SHC3: variants seen among roughly 807,000 people sequenced by gnomAD.
The protein encoded by SHC3 is SHC-transforming protein 3.
SHC3 carries 15 observed loss-of-function variants against 60.4 expected under a neutral mutation model. The observed-to-expected ratio is 0.25, with a 90% CI of 0.17 to 0.38. The LOEUF is 0.38. Ranked by LOEUF, SHC3 falls within the 10% of genes least tolerant of loss-of-function variation. The pLI is 1.00. For missense variants in SHC3, 677 were observed against 786.1 expected (o/e 0.86, Z 1.66); for synonymous variants, 294 against 325.9 (o/e 0.90, Z 1.05).
At chr9:89,159,847 A>AG (rs1400916006) in intron 1 of SHC3, among the ~76,000 whole-genome samples, 1 of 152,206 alleles carries the variant, frequency 6.6e-6, no homozygotes, top group African/African-American at 2.4e-5. Context: ...ACCCAGATTA[A>AG]GGTCTGCCTT....
chr9:89,150,030 T>C (rs1178073809), intron 1 of SHC3, among the ~76,000 whole-genome samples: 1 of 152,212 alleles, frequency 6.6e-6, no homozygotes, highest in Non-Finnish European at 1.5e-5. Context: ...ACCCTTATTT[T>C]ACTGAATAAT....
chr9:89,102,928 G>A (rs1332853668), intron 2 of SHC3, among the ~76,000 whole-genome samples: 1 of 152,148 alleles, frequency 6.6e-6, no homozygotes, highest in Non-Finnish European at 1.5e-5. Flanking sequence ...TAGTGGCCTT[G>A]TAGCTCAGGA....
At chr9:89,040,932 C>A (rs1564093585) in intron 10 of SHC3, among the ~76,000 whole-genome samples, 1 of 152,182 alleles carries the variant, frequency 6.6e-6, no homozygotes, top group South Asian at 2.1e-4. Flanking sequence ...CAAAATACCA[C>A]AAATCACAGA....
At chr9:89,071,462 G>A (rs11137503) in intron 4 of SHC3, among the ~76,000 whole-genome samples, 10,205 of 152,230 alleles carry the variant, frequency 0.067, 473 homozygotes, top group Middle Eastern at 0.12. Context: ...AATAGTGTCC[G>A]TGAAGCCTCG....
chr9:89,028,655 T>C (rs1360592058), intron 11 of SHC3, among the ~76,000 whole-genome samples: 1 of 146,596 alleles, frequency 6.8e-6, no homozygotes, highest in African/African-American at 2.5e-5. Flanking sequence ...ATATAGAATA[T>C]ATATAGATAT....
At chr9:89,103,292 T>C (rs1265952310) in intron 2 of SHC3, among the ~76,000 whole-genome samples, 1 of 152,100 alleles carries the variant, frequency 6.6e-6, no homozygotes, top group Admixed American at 6.6e-5. Context: ...CAGGTATTCG[T>C]AATTGAACAG....
chr9:89,159,249 T>A (rs957135177), intron 1 of SHC3, among the ~76,000 whole-genome samples: 1 of 152,196 alleles, frequency 6.6e-6, no homozygotes, highest in African/African-American at 2.4e-5. Flanking sequence ...GACAAAACTC[T>A]ACAGATAGAA....
intron 9 of SHC3, 116 bp downstream of exon 9, chr9:89,045,630 C>T (rs552117314): frequency 2.3e-6 from 2 of 857,658 alleles, no homozygotes; most frequent in Admixed American, 4.3e-5. Flanking sequence ...ACACACACAG[C>T]ACATATATCC....
intron 3 of SHC3, among the ~76,000 whole-genome samples, chr9:89,077,163 C>A (rs537429269): frequency 2.7e-5 from 4 of 149,754 alleles, no homozygotes; most frequent in Admixed American, 2.7e-4. Context: ...GGGGATAGAG[C>A]GAGACTCTGT....
chr9:89,064,136 C>A (rs576821938), intron 6 of SHC3, among the ~76,000 whole-genome samples: 23 of 152,334 alleles, frequency 1.5e-4, no homozygotes, highest in Admixed American at 1.4e-3. Flanking sequence ...CCCTCATGAC[C>A]TAATGACCTC....
At chr9:89,020,123 A>AATATGCTTCTTCCCT (rs1262154891) in intron 11 of SHC3, among the ~76,000 whole-genome samples, 2 of 152,140 alleles carry the variant, frequency 1.3e-5, no homozygotes, top group Non-Finnish European at 2.9e-5. Flanking sequence ...GCTTAATTAA[A>AATATGCTTCTTCCCT]ATATGCTTCT....
rs1044901196 is a variant in SHC3 at position 89,098,667 on chromosome 9, C to T, written c.545+13889G>A. Among the ~76,000 whole-genome samples, 14 of 152,042 alleles carry T rather than the reference C, an allele frequency of 9.2e-5. No homozygotes were observed. In the East Asian group the frequency reaches 2.3e-3, roughly 25 times the overall value. ...CTACTAAAAATACAAAAAAATTAGCCGGGCATGGTAGCAGGCGCCTGTAGT... is the reference window on the plus strand; with the variant it reads ...CTACTAAAAATACAAAAAAATTAGCTGGGCATGGTAGCAGGCGCCTGTAGT... On this transcript the variant is annotated intron_variant, in intron 2 of 11. Transcript: ENST00000375835.
At chr9:89,118,707 G>A (rs1478826435) in intron 1 of SHC3, among the ~76,000 whole-genome samples, 3 of 151,636 alleles carry the variant, frequency 2.0e-5, no homozygotes, top group African/African-American at 7.3e-5. Flanking sequence ...AAATACATGA[G>A]GACAAATAAC....
chr9:89,131,963 C>T (rs531415186), intron 1 of SHC3, among the ~76,000 whole-genome samples: 17 of 152,258 alleles, frequency 1.1e-4, no homozygotes, highest in African/African-American at 4.1e-4. Context: ...AAGAGGAAGT[C>T]AAATTGTCCC....
intron 6 of SHC3, among the ~76,000 whole-genome samples, chr9:89,053,505 A>G (rs1418173290): frequency 6.6e-6 from 1 of 152,200 alleles, no homozygotes; most frequent in Non-Finnish European, 1.5e-5. Flanking sequence ...GCAGCCAGCT[A>G]GGCCCTGGGG....
intron 1 of SHC3, among the ~76,000 whole-genome samples, chr9:89,130,973 G>A (rs1426083533): frequency 6.6e-6 from 1 of 152,022 alleles, no homozygotes; most frequent in African/African-American, 2.4e-5. Flanking sequence ...CCAGGAGCTG[G>A]TTTTTTGAAA....
chr9:89,113,076 C>T (rs979053944), intron 1 of SHC3, among the ~76,000 whole-genome samples: 1 of 149,026 alleles, frequency 6.7e-6, no homozygotes, highest in Admixed American at 6.6e-5. Flanking sequence ...CATGATATGA[C>T]CAACATTTTC....
chr9:89,157,449 T>C (rs1826638952), intron 1 of SHC3, among the ~76,000 whole-genome samples: 1 of 152,224 alleles, frequency 6.6e-6, no homozygotes, highest in Non-Finnish European at 1.5e-5. Context: ...GCCCTGCAGA[T>C]ACCCTGACTG....
chr9:89,131,417 C>A (rs1182955611), intron 1 of SHC3, among the ~76,000 whole-genome samples: 1 of 152,158 alleles, frequency 6.6e-6, no homozygotes, highest in African/African-American at 2.4e-5. Context: ...ATGAGGCCAG[C>A]ATCATCCTGA....
Sources: gnomAD v4.1 joint callset for allele counts (sites outside exome capture counted in the v4.1 genomes callset) on GRCh38, gnomAD v4.1.1 for gene constraint, MANE v1.5 for transcripts, NCBI Gene and HGNC (gene_info 2026-07-23, HGNC 2026-07-21) for gene names.